SORCS2: variants seen among roughly 807,000 people sequenced by gnomAD.
The protein encoded by SORCS2 is VPS10 domain-containing receptor SorCS2.
In SORCS2, 100 loss-of-function variants were observed where a neutral mutation model predicts 141.6. That is an observed-to-expected ratio of 0.71 (90% CI 0.60 to 0.83). The LOEUF (loss-of-function observed/expected upper bound fraction) is 0.83. Ranked by LOEUF, SORCS2 falls within the 40% of genes least tolerant of loss-of-function variation. SORCS2 has a pLI of 0.00. For synonymous variants in SORCS2, 789 were observed against 676.9 expected (o/e 1.17, Z -2.57); for missense variants, 1,646 against 1,560.2 (o/e 1.05, Z -0.93).
intron 1 of SORCS2, among the ~76,000 whole-genome samples, chr4:7,369,736 C>T (rs187803049): frequency 8.1e-4 from 123 of 152,290 alleles, no homozygotes; most frequent in Non-Finnish European, 1.5e-3. Flanking sequence ...GTCGGCTTTG[C>T]AGGTTCTCCC....
intron 2 of SORCS2, among the ~76,000 whole-genome samples, chr4:7,512,872 A>G (rs1311300108): frequency 2.6e-5 from 4 of 152,182 alleles, no homozygotes; most frequent in African/African-American, 9.7e-5. Flanking sequence ...TCCAAAGCCC[A>G]GGCTGCCCTG....
At chr4:7,715,673 C>T (rs747762083) in intron 17 of SORCS2, among the ~76,000 whole-genome samples, 2 of 152,342 alleles carry the variant, frequency 1.3e-5, no homozygotes, top group African/African-American at 2.4e-5. Flanking sequence ...TGCTGCAGCA[C>T]GTCTTCCCCT....
intron 5 of SORCS2, 71 bp from the exon 6 acceptor site, chr4:7,661,429 G>A (rs1362104884): frequency 1.0e-5 from 15 of 1,501,812 alleles, no homozygotes; most frequent in South Asian, 1.2e-5. Context: ...GCTGCAGGGA[G>A]TGTGGGGAGC....
chr4:7,640,463 C>CGT (rs543187878), intron 4 of SORCS2, among the ~76,000 whole-genome samples: 1,795 of 101,018 alleles, frequency 0.018, 39 homozygotes, highest in African/African-American at 0.058. Flanking sequence ...TGTGTATGAG[C>CGT]GTGTGTGTGT....
chr4:7,234,191 T>C (rs1168703785), intron 1 of SORCS2, among the ~76,000 whole-genome samples: 1 of 152,230 alleles, frequency 6.6e-6, no homozygotes. Context: ...AATGTATTGA[T>C]TCTTTTGATA....
intron 2 of SORCS2, among the ~76,000 whole-genome samples, chr4:7,417,192 G>A (rs1327119074): frequency 6.6e-6 from 1 of 152,194 alleles, no homozygotes; most frequent in Non-Finnish European, 1.5e-5. Context: ...GCAGCATCTG[G>A]GATTATGCCG....
chr4:7,405,531 G>A lies in SORCS2; in HGVS notation c.548+9176G>A, dbSNP rs116237901. 1.1e-3 allele frequency among the ~76,000 whole-genome samples: 161 copies of A among 152,076 alleles called. 1 individual carries two copies. The highest frequency in any genetic ancestry group is 3.4e-3 in the Middle Eastern group (1 of 294). ...TGTCATCTACAATTTCTAAGGAGGC[G>A]TTTGTAGTTTTCCTTGTAGAGATCT... On this transcript the variant is annotated intron_variant, in intron 2 of 26. Coordinates refer to ENST00000507866, the MANE Select transcript of SORCS2 (RefSeq NM_020777.3).
intron 12 of SORCS2, among the ~76,000 whole-genome samples, chr4:7,697,588 C>T (rs1031786944): frequency 2.5e-4 from 38 of 152,312 alleles, no homozygotes; most frequent in Admixed American, 2.0e-3. Context: ...ATCTGAGAAA[C>T]GGGGATAAAT....
intron 1 of SORCS2, among the ~76,000 whole-genome samples, chr4:7,324,576 G>A (rs1323477494): frequency 6.6e-6 from 1 of 152,232 alleles, no homozygotes; most frequent in Non-Finnish European, 1.5e-5. Context: ...TTTAATTACA[G>A]TGAAAAGCAG....
At position 7,576,946 on chromosome 4, in the gene SORCS2, G is replaced by A. The variant is rs143975490; in HGVS notation, c.648+45317G>A. ...TTATCGCAGTCTTCTGAGATTGCAT[G>A]GGAAATGAGCAGGGTGGATATTCAC... On this transcript the variant is annotated intron_variant, in intron 3 of 26. Transcript: ENST00000507866. Among the ~76,000 whole-genome samples, 966 of 152,316 alleles carry A rather than the reference G, an allele frequency of 6.3e-3. 12 individuals are homozygous for A. The highest frequency in any genetic ancestry group is 0.022 in the African/African-American group (928 of 41,548).
At chr4:7,636,132 G>A (rs923028866) in intron 3 of SORCS2, among the ~76,000 whole-genome samples, 3 of 152,052 alleles carry the variant, frequency 2.0e-5, no homozygotes, top group Non-Finnish European at 2.9e-5. Flanking sequence ...AGCCCCACGC[G>A]AGGCCCAGCT....
intron 1 of SORCS2, among the ~76,000 whole-genome samples, chr4:7,200,887 C>G (rs1727449033): frequency 6.6e-6 from 1 of 152,202 alleles, no homozygotes; most frequent in Non-Finnish European, 1.5e-5. Flanking sequence ...AGAGTGTCGA[C>G]CTCACTTGCA....
intron 1 of SORCS2, among the ~76,000 whole-genome samples, chr4:7,391,168 C>A (rs1723835431): frequency 1.3e-5 from 2 of 152,164 alleles, no homozygotes; most frequent in Non-Finnish European, 2.9e-5. Context: ...TGAGAAGTGC[C>A]CACTCTGCCA....
At chr4:7,199,543 A>G (rs749971561) in intron 1 of SORCS2, among the ~76,000 whole-genome samples, 3 of 151,906 alleles carry the variant, frequency 2.0e-5, no homozygotes, top group East Asian at 3.9e-4. Flanking sequence ...GCTCCTGCCC[A>G]TGGTGTTTCC....
rs536839458 is a variant in SORCS2 at position 7,648,346 on chromosome 4, A to G, written c.814-5788A>G. Among the ~76,000 whole-genome samples the G allele has an allele frequency of 6.6e-6, 1 of 152,262 alleles. No homozygotes were observed. Among genetic ancestry groups the G allele is most frequent in the East Asian group, 1.9e-4 (1 of 5,178 alleles). ...TCAAGGAGTCAGGGGTCATCAGGGC[A>G]GAAATGGGGACTGAGTCACTTCCTG... On this transcript the variant is annotated intron_variant, in intron 4 of 26. Coordinates refer to ENST00000507866, the MANE Select transcript of SORCS2 (RefSeq NM_020777.3). The surrounding 1 kb of genome is among the most constrained non-coding windows in gnomAD (Gnocchi z 4.2).
intron 3 of SORCS2, among the ~76,000 whole-genome samples, chr4:7,599,620 G>A (rs773942767): frequency 1.3e-5 from 2 of 152,108 alleles, no homozygotes; most frequent in African/African-American, 4.8e-5. Flanking sequence ...CCACACACCC[G>A]GTTCCATTCA....
chr4:7,703,184 T>C, intron 12 of SORCS2, 96 bp from the exon 13 acceptor site: 1 of 952,822 alleles, frequency 1.0e-6, no homozygotes, highest in Non-Finnish European at 1.6e-6. Flanking sequence ...AACCCCCGGC[T>C]GCACATTGAC....
intron 5 of SORCS2, 127 bp from the exon 6 acceptor site, chr4:7,661,373 C>T (rs558964307): frequency 4.9e-5 from 46 of 940,518 alleles, no homozygotes; most frequent in East Asian, 8.0e-5. Context: ...TGATGCCCTC[C>T]GGACCCACAG....
chr4:7,600,627 G>A (rs377560364), intron 3 of SORCS2, among the ~76,000 whole-genome samples: 2 of 148,664 alleles, frequency 1.3e-5, no homozygotes, highest in Non-Finnish European at 3.0e-5. Context: ...CTAGCCTGGC[G>A]TTTTTAGATT....
Sources: allele counts gnomAD v4.1 joint callset (sites outside exome capture counted in the v4.1 genomes callset), GRCh38; gene constraint gnomAD v4.1.1; non-coding constraint Gnocchi (gnomAD v3.1); transcripts MANE v1.5; gene names NCBI Gene and HGNC (gene_info 2026-07-23, HGNC 2026-07-21).